The following EMP1 variants were observed in gnomAD, a reference collection of about 807,000 sequenced individuals.
EMP1 encodes the protein epithelial membrane protein 1, also known as tumor-associated membrane protein.
EMP1 carries 5 observed loss-of-function variants against 15.7 expected under a neutral mutation model. The observed-to-expected ratio is 0.32, with a 90% confidence interval of 0.17 to 0.67. EMP1 has a LOEUF of 0.67. Among genes scored for constraint, EMP1 ranks in the 30% least tolerant of loss-of-function variants. EMP1 has a pLI of 0.74. For missense variants in EMP1, 166 were observed against 194.2 expected (o/e 0.85, Z 0.86); for synonymous variants, 78 against 76.7 (o/e 1.02, Z -0.09).
chr12:13,214,437 T>C, intron 4 of EMP1, 97 bp from the exon 5 acceptor site: 1 of 1,513,322 alleles, frequency 6.6e-7, no homozygotes, highest in Non-Finnish European at 9.0e-7. Context: ...ATTTTCCTAT[T>C]GCTAATGAGG....
In EMP1 at chr12:13,211,486, A is replaced by G; in HGVS notation, c.-25A>G. The G allele has an allele frequency of 6.2e-7, 1 of 1,609,374 alleles. No homozygotes were observed. The highest frequency in any genetic ancestry group is 8.5e-7 in the Non-Finnish European group (1 of 1,178,286). ...CTTTTCAGAACTCTCTTTGCTCACA[A>G]GTTACCAAAAAAAAAAGAGCCAACA... On this transcript the variant is annotated 5_prime_UTR_variant, in exon 2 of 5. Coordinates refer to ENST00000256951, the MANE Select transcript of EMP1 (RefSeq NM_001423.3). This position sits in a 1 kb window ranked among gnomAD's most constrained non-coding sequence, Gnocchi z 4.7.
At chr12:13,207,966 C>T (rs1335212066) in intron 1 of EMP1, among the ~76,000 whole-genome samples, 2 of 152,208 alleles carry the variant, frequency 1.3e-5, no homozygotes, top group Non-Finnish European at 2.9e-5. Context: ...GGTCTTGCTT[C>T]AAAGTATTCA....
chr12:13,215,845 C>A lies in EMP1; in HGVS notation c.*1154C>A. ...ATAAACCAAAACCAAACAACAGGCC[C>A]TTGGGTGAAAGGTGCTATATAATTG... On this transcript the variant is annotated 3_prime_UTR_variant, in exon 5 of 5. Transcript: ENST00000256951. 1 of 154,012 alleles carries A rather than the reference C, an allele frequency of 6.5e-6. No individual in the cohort carries two copies. The highest frequency in any genetic ancestry group is 1.5e-5 in the Non-Finnish European group (1 of 68,954). 9.5% of individuals were successfully genotyped at this position (154,012 alleles called of 1,614,324 possible).
At chr12:13,210,915 A>G (rs919179564) in intron 1 of EMP1, among the ~76,000 whole-genome samples, 1 of 152,238 alleles carries the variant, frequency 6.6e-6, no homozygotes, top group Non-Finnish European at 1.5e-5. Flanking sequence ...CTCACATTTT[A>G]TATCTCGCCC....
intron 2 of EMP1, among the ~76,000 whole-genome samples, chr12:13,212,523 C>T (rs187584616): frequency 1.2e-4 from 18 of 152,352 alleles, no homozygotes; most frequent in African/African-American, 2.6e-4. Flanking sequence ...CCCCCGCCCA[C>T]GTGACCTCCT....
At position 13,219,371 on chromosome 12, in the gene EMP1, C is replaced by T. The variant is rs574292909; in HGVS notation, c.*4680C>T. ...ACCACCTCAGTGTGGACTTAATCGT[C>T]CACATCACTGTCAGCATTTTGGTTA... On this transcript the variant is annotated 3_prime_UTR_variant, in exon 5 of 5. Coordinates refer to ENST00000256951, the MANE Select transcript of EMP1 (RefSeq NM_001423.3). The T allele has an allele frequency of 6.6e-6, 1 of 152,358 alleles. No homozygotes were observed. The highest frequency in any genetic ancestry group is 2.4e-5 in the African/African-American group (1 of 41,566). 9.4% of individuals were successfully genotyped at this position (152,358 alleles called of 1,614,324 possible). A position where few individuals can be genotyped will look rare whatever the true frequency, so the allele number is the denominator to read the frequency against.
At chr12:13,204,009 C>A (rs1864088590) in intron 1 of EMP1, among the ~76,000 whole-genome samples, 1 of 152,176 alleles carries the variant, frequency 6.6e-6, no homozygotes, top group Non-Finnish European at 1.5e-5. Context: ...TAATAACCCC[C>A]ATTTATAATA....
rs1001637969 is a variant in EMP1 at position 13,196,838 on chromosome 12, C to G, written c.-77C>G. On this transcript the variant is annotated 5_prime_UTR_variant, in exon 1 of 5. Transcript: ENST00000256951. Reference sequence around the variant, plus strand: ...GGACCAGGGCTGCTGCCAGCACCTGCCACTCAGAGCGCCTCTGTCGCTGGG... The same window carrying G: ...GGACCAGGGCTGCTGCCAGCACCTGGCACTCAGAGCGCCTCTGTCGCTGGG... 6.6e-6 allele frequency: 1 copy of G among 152,276 alleles called. No individual in the cohort carries two copies. The highest frequency in any genetic ancestry group is 2.4e-5 in the African/African-American group (1 of 41,448). 9.4% of individuals were successfully genotyped at this position (152,276 alleles called of 1,614,324 possible).
At chr12:13,213,138 T>A (rs1385875774) in intron 2 of EMP1, among the ~76,000 whole-genome samples, 1 of 152,218 alleles carries the variant, frequency 6.6e-6, no homozygotes, top group African/African-American at 2.4e-5. Flanking sequence ...CTAAGCCAGT[T>A]TCCTCATCCT....
At chr12:13,214,147 A>G in intron 4 of EMP1, 1 of 604,820 alleles carries the variant, frequency 1.7e-6, no homozygotes. Flanking sequence ...AATGCACATC[A>G]TTATTGTGAT....
rs1479270483 is a variant in EMP1 at position 13,219,201 on chromosome 12, T to G, written c.*4510T>G. 1 of 152,328 alleles carries G rather than the reference T, an allele frequency of 6.6e-6. No individual in the cohort carries two copies. Among genetic ancestry groups the G allele is most frequent in the Non-Finnish European group, 1.5e-5 (1 of 68,102 alleles). The allele number at this position is 152,328 out of a possible 1,614,324, so 9.4% of individuals were successfully genotyped here. A position where few individuals can be genotyped will look rare whatever the true frequency, so the allele number is the denominator to read the frequency against. On this transcript the variant is annotated 3_prime_UTR_variant, in exon 5 of 5. Coordinates refer to ENST00000256951, the MANE Select transcript of EMP1 (RefSeq NM_001423.3). Reference sequence around the variant, plus strand: ...GGGCGTTGATGGATGCTTCTATCACTGTCGGGGCAGGGAGGGCCAGAACAC... The same window carrying G: ...GGGCGTTGATGGATGCTTCTATCACGGTCGGGGCAGGGAGGGCCAGAACAC...
chr12:13,215,457 C>G lies in EMP1; in HGVS notation c.*766C>G, dbSNP rs1864206402. On this transcript the variant is annotated 3_prime_UTR_variant, in exon 5 of 5. Coordinates refer to ENST00000256951, the MANE Select transcript of EMP1 (RefSeq NM_001423.3). ...CCAAGGCAGCTCTTCTGGAGTTTCT[C>G]TAAAGTCACTAGTGAACAATTCGGT... is the stretch of plus-strand genomic sequence containing the variant. 1.3e-5 allele frequency: 2 copies of G among 152,250 alleles called. No individual in the cohort carries two copies. Among genetic ancestry groups the G allele is most frequent in the African/African-American group, 4.8e-5 (2 of 41,448 alleles). The allele number at this position is 152,250 out of a possible 1,614,324, so 9.4% of individuals were successfully genotyped here.
intron 1 of EMP1, among the ~76,000 whole-genome samples, chr12:13,199,921 A>T (rs1042994527): frequency 6.7e-6 from 1 of 148,732 alleles, no homozygotes; most frequent in Non-Finnish European, 1.5e-5. Flanking sequence ...ATACAACTTG[A>T]TGGATCTACA....
intron 1 of EMP1, among the ~76,000 whole-genome samples, chr12:13,200,631 C>T (rs1249713814): frequency 6.6e-6 from 1 of 152,258 alleles, no homozygotes; most frequent in Non-Finnish European, 1.5e-5. Context: ...TGAGACTGCT[C>T]TTTGCAACAA....
chr12:13,211,440 C>T lies in EMP1; in HGVS notation c.-42-29C>T, dbSNP rs1175934882. On this transcript the variant is annotated intron_variant, in intron 1 of 4. Transcript: ENST00000256951. This position sits in a 1 kb window ranked among gnomAD's most constrained non-coding sequence, Gnocchi z 4.7. The stretch of plus-strand genomic sequence containing the variant: ...TCGTCTTATTGAATCTGACAGTAAC[C>T]GTTTTTGTCCCTTTCTTTTTCTTTT... 2.0e-6 allele frequency: 3 copies of T among 1,523,582 alleles called. No homozygotes were observed. The highest frequency in any genetic ancestry group is 2.2e-5 in the East Asian group (1 of 44,452). 94.4% of individuals were successfully genotyped at this position (1,523,582 alleles called of 1,614,324 possible). A position where few individuals can be genotyped will look rare whatever the true frequency, so the allele number is the denominator to read the frequency against.
At chr12:13,199,014 T>TGAGGCG (rs1864039251) in intron 1 of EMP1, among the ~76,000 whole-genome samples, 1 of 138,414 alleles carries the variant, frequency 7.2e-6, no homozygotes, top group Non-Finnish European at 1.6e-5. Flanking sequence ...CTCCGAAGAA[T>TGAGGCG]GGGGCGGGGG....
chr12:13,208,455 A>T (rs1461201797), intron 1 of EMP1, among the ~76,000 whole-genome samples: 2 of 152,162 alleles, frequency 1.3e-5, no homozygotes, highest in Non-Finnish European at 2.9e-5. Context: ...GTAACTAGGG[A>T]TGATTCAGCC....
Position 13,216,430 on chromosome 12 carries a change from A to G in EMP1, c.*1739A>G. On this transcript the variant is annotated 3_prime_UTR_variant, in exon 5 of 5. Transcript: ENST00000256951. ...CTGAGGTTAGAGAGATTGGCCAGCAAAAACTGTGGGAAGATGAACTTTGTC... is the reference window on the plus strand; with the variant it reads ...CTGAGGTTAGAGAGATTGGCCAGCAGAAACTGTGGGAAGATGAACTTTGTC... The G allele has an allele frequency of 1.4e-6, 1 of 702,596 alleles. No individual in the cohort carries two copies. The allele number at this position is 702,596 out of a possible 1,614,324, so 43.5% of individuals were successfully genotyped here. A position where few individuals can be genotyped will look rare whatever the true frequency, so the allele number is the denominator to read the frequency against.
chr12:13,197,546 C>T (rs986164501), intron 1 of EMP1, among the ~76,000 whole-genome samples: 3 of 151,980 alleles, frequency 2.0e-5, no homozygotes, highest in Non-Finnish European at 2.9e-5. Flanking sequence ...GAGGCTGAGG[C>T]GGGCGGATCA....
Sources: allele counts gnomAD v4.1 joint callset (sites outside exome capture counted in the v4.1 genomes callset), GRCh38; gene constraint gnomAD v4.1.1; non-coding constraint Gnocchi (gnomAD v3.1); transcripts MANE v1.5; gene names NCBI Gene and HGNC (gene_info 2026-07-23, HGNC 2026-07-21).